The following SNRPD1 variants were observed in gnomAD, a reference collection of about 807,000 sequenced individuals.
SNRPD1 encodes small nuclear ribonucleoprotein D1 polypeptide, also known as small nuclear ribonucleoprotein Sm D1.
Under a neutral mutation model 14.4 loss-of-function variants are expected in SNRPD1, and 1 was observed. The observed-to-expected ratio is 0.07, with a 90% CI of 0.02 to 0.33. SNRPD1 has a LOEUF of 0.33. SNRPD1 is among the 10% of genes least tolerant of loss of function. The probability of loss-of-function intolerance (pLI) is 1.00; values close to 1 mark genes in which losing one functional copy is unlikely to be tolerated. For missense variants in SNRPD1, 52 were observed against 146.4 expected (o/e 0.36, Z 3.33); for synonymous variants, 42 against 50.3 (o/e 0.83, Z 0.70).
intron 1 of SNRPD1, among the ~76,000 whole-genome samples, chr18:21,613,698 T>TACAA (rs2146254675): frequency 6.6e-6 from 1 of 151,798 alleles, no homozygotes; most frequent in Non-Finnish European, 1.5e-5. Flanking sequence ...CTACGAAAAT[T>TACAA]ACAAAAGTTA....
chr18:21,627,986 G>C (rs1039298413), intron 3 of SNRPD1, among the ~76,000 whole-genome samples: 69 of 152,122 alleles, frequency 4.5e-4, no homozygotes, highest in African/African-American at 1.6e-3. Flanking sequence ...TTGATACTTT[G>C]TAAGAGTACG....
chr18:21,620,445 T>G (rs1458649448), intron 1 of SNRPD1, among the ~76,000 whole-genome samples: 1 of 152,090 alleles, frequency 6.6e-6, no homozygotes. Context: ...CTCTGCAAAA[T>G]TTTATAAAAA....
chr18:21,628,983 G>T, intron 3 of SNRPD1, 79 bp from the exon 4 acceptor site: 1 of 1,015,874 alleles, frequency 9.8e-7, no homozygotes, highest in Non-Finnish European at 1.6e-6. Context: ...AAAGGTGTGT[G>T]TGTAAATGTT....
At chr18:21,625,145 A>AT (rs1183508432) in intron 3 of SNRPD1, among the ~76,000 whole-genome samples, 55 of 145,980 alleles carry the variant, frequency 3.8e-4, no homozygotes, top group South Asian at 1.5e-3. Context: ...GTTATTCTAC[A>AT]TTTTTTTTTT....
rs2039090846 is a variant in SNRPD1 at position 21,632,411 on chromosome 18, A to T, written c.*3273A>T. On this transcript the variant is annotated 3_prime_UTR_variant, in exon 4 of 4. Transcript: ENST00000300413. ...GAGGCAGAGGTTGCAGTGAGCTGAG[A>T]TCACACCACTGCACTTCAGCCTGAG... 6.6e-6 allele frequency: 1 copy of T among 151,836 alleles called. No homozygotes were observed. The highest frequency in any genetic ancestry group is 1.5e-5 in the Non-Finnish European group (1 of 68,010). The allele number at this position is 151,836 out of a possible 1,614,324, so 9.4% of individuals were successfully genotyped here. A position where few individuals can be genotyped will look rare whatever the true frequency, so the allele number is the denominator to read the frequency against.
chr18:21,622,288 C>T (rs774326457), intron 1 of SNRPD1, among the ~76,000 whole-genome samples: 6 of 151,856 alleles, frequency 4.0e-5, no homozygotes, highest in East Asian at 1.9e-4. Context: ...TACAGGTGCC[C>T]GCCACCATGC....
chr18:21,629,056 C>T lies in SNRPD1; in HGVS notation c.284-6C>T. ...TTGAACTTGGTTTGTTTTTCTTTTC[C>T]TTCAGTTGCAGGAAGAGGCAGAGGA... is the stretch of plus-strand genomic sequence containing the variant. On this transcript the variant is annotated splice_polypyrimidine_tract_variant and splice_region_variant and intron_variant, in intron 3 of 3. Coordinates refer to ENST00000300413, the MANE Select transcript of SNRPD1 (RefSeq NM_006938.4). 1 of 1,613,380 alleles carries T rather than the reference C, an allele frequency of 6.2e-7. No individual in the cohort carries two copies.
At chr18:21,615,634 GAAAA>G (rs560394376) in intron 1 of SNRPD1, among the ~76,000 whole-genome samples, 1 of 148,802 alleles carries the variant, frequency 6.7e-6, no homozygotes, top group East Asian at 2.0e-4. Context: ...AAAGAAAAAA[GAAAA>G]AAAAAGCTCC....
At position 21,631,925 on chromosome 18, in the gene SNRPD1, G is replaced by C. The variant is rs1232837042; in HGVS notation, c.*2787G>C. The C allele has an allele frequency of 6.6e-6, 1 of 152,094 alleles. No individual in the cohort carries two copies. The highest frequency in any genetic ancestry group is 2.4e-5 in the African/African-American group (1 of 41,434). 9.4% of individuals were successfully genotyped at this position (152,094 alleles called of 1,614,324 possible). A position where few individuals can be genotyped will look rare whatever the true frequency, so the allele number is the denominator to read the frequency against. On this transcript the variant is annotated 3_prime_UTR_variant, in exon 4 of 4. Coordinates refer to ENST00000300413, the MANE Select transcript of SNRPD1 (RefSeq NM_006938.4). ...ACCCTGCAAGAGTAGGAAATAAACA[G>C]TTGGCTCCTGTCCTCGTGGAGCTTA...
intron 1 of SNRPD1, among the ~76,000 whole-genome samples, chr18:21,615,403 G>A (rs766655131): frequency 3.3e-5 from 5 of 152,092 alleles, no homozygotes; most frequent in Non-Finnish European, 7.4e-5. Flanking sequence ...ATCACCTGAG[G>A]TCAGGAGTTT....
intron 3 of SNRPD1, among the ~76,000 whole-genome samples, chr18:21,627,652 T>G (rs901853964): frequency 6.6e-6 from 1 of 152,230 alleles, no homozygotes; most frequent in Non-Finnish European, 1.5e-5. Flanking sequence ...TTTTCCCATT[T>G]TCTTTATTTT....
intron 3 of SNRPD1, among the ~76,000 whole-genome samples, chr18:21,625,287 ACTTT>A (rs1315878235): frequency 6.6e-5 from 9 of 136,242 alleles, no homozygotes. Context: ...TTCCCAGTCT[ACTTT>A]CTATTTAAAA....
At chr18:21,616,327 T>G (rs1306884821) in intron 1 of SNRPD1, among the ~76,000 whole-genome samples, 1 of 151,878 alleles carries the variant, frequency 6.6e-6, no homozygotes, top group African/African-American at 2.4e-5. Context: ...TACCAGTTCT[T>G]TGTCAGATGT....
At chr18:21,622,984 T>A (rs575310852) in intron 2 of SNRPD1, among the ~76,000 whole-genome samples, 183 bp downstream of exon 2, 9 of 151,858 alleles carry the variant, frequency 5.9e-5, no homozygotes, top group Admixed American at 5.9e-4. Context: ...CGGAGTGCAG[T>A]GGCACGATCT....
Position 21,630,829 on chromosome 18 carries a change from T to C in SNRPD1, c.*1691T>C, listed in dbSNP as rs915630038. On this transcript the variant is annotated 3_prime_UTR_variant, in exon 4 of 4. Transcript: ENST00000300413. ...ATGTATTTATACTAATATATAAATA[T>C]ATACTAATAGATATATTAGTATACA... The C allele has an allele frequency of 1.5e-4, 22 of 148,384 alleles. No homozygotes were observed. Among genetic ancestry groups the C allele is most frequent in the African/African-American group, 4.6e-4 (19 of 40,908 alleles). The allele number at this position is 148,384 out of a possible 1,614,324, so 9.2% of individuals were successfully genotyped here.
At chr18:21,625,038 A>T (rs2039026129) in intron 3 of SNRPD1, among the ~76,000 whole-genome samples, 6 of 152,040 alleles carry the variant, frequency 3.9e-5, no homozygotes. Flanking sequence ...TACATTTTTG[A>T]TCCTCAGTTG....
chr18:21,618,099 C>T (rs577428995), intron 1 of SNRPD1, among the ~76,000 whole-genome samples: 11 of 152,082 alleles, frequency 7.2e-5, no homozygotes, highest in Non-Finnish European at 1.2e-4. Context: ...TGACTCCCCT[C>T]TCCACATGCT....
chr18:21,626,436 T>C (rs1369915036), intron 3 of SNRPD1, among the ~76,000 whole-genome samples: 1 of 115,668 alleles, frequency 8.6e-6, no homozygotes, highest in South Asian at 2.9e-4. Context: ...ACAAATTAAA[T>C]AATGAAAATG....
rs1299054501 is a variant in SNRPD1 at position 21,631,964 on chromosome 18, A to G, written c.*2826A>G. On this transcript the variant is annotated 3_prime_UTR_variant, in exon 4 of 4. Transcript: ENST00000300413. ...TCGTGGAGCTTATAGACAGAAGCAG[A>G]TAACAAATAAAAATTGGAGCTTAGT... is the stretch of plus-strand genomic sequence containing the variant. The G allele has an allele frequency of 6.6e-6, 1 of 152,152 alleles. No homozygotes were observed. Among genetic ancestry groups the G allele is most frequent in the Non-Finnish European group, 1.5e-5 (1 of 68,040 alleles). 9.4% of individuals were successfully genotyped at this position (152,152 alleles called of 1,614,324 possible).
Sources: gnomAD v4.1 joint callset for allele counts (sites outside exome capture counted in the v4.1 genomes callset) on GRCh38, gnomAD v4.1.1 for gene constraint, MANE v1.5 for transcripts, NCBI Gene and HGNC (gene_info 2026-07-23, HGNC 2026-07-21) for gene names.